Variants in ZNF594 observed in about 807,000 individuals in gnomAD.
The protein encoded by ZNF594 is zinc finger protein HZF18.
For missense variants in ZNF594, 1,037 were observed against 964.6 expected (o/e 1.08, Z -0.99); for synonymous variants, 336 against 309.4 (o/e 1.09, Z -0.90).
At position 5,183,884 on chromosome 17, in the gene ZNF594, T is replaced by C. The variant is rs1441447353; in HGVS notation, c.373A>G (p.Lys125Glu). The C allele has an allele frequency of 6.2e-7, 1 of 1,613,528 alleles. No homozygotes were observed. The highest frequency in any genetic ancestry group is 2.2e-5 in the East Asian group (1 of 44,876). ...TEHQKIHNIN[K>E]TYECKECEKT... is the part of the protein sequence containing the mutation. ...TCACATTCCTTACATTCATAGGTCT[T>C]ATTTATATTATGAATTTTCTGATGT... is the stretch of plus-strand genomic sequence containing the variant. Residue 125 changes from lysine to glutamate, a missense_variant, in exon 2 of 2, where the codon AAG becomes GAG. Lys to Glu is a moderately conservative substitution (Grantham distance 56). Coordinates refer to ENST00000575779, the MANE Select transcript of ZNF594 (RefSeq NM_032530.2).
chr17:5,182,843 T>C lies in ZNF594; in HGVS notation c.1414A>G (p.Arg472Gly), dbSNP rs555942514. 3 of 1,614,126 alleles carry C rather than the reference T, an allele frequency of 1.9e-6. No individual in the cohort carries two copies. The highest frequency in any genetic ancestry group is 1.3e-5 in the African/African-American group (1 of 75,002). Residue 472 changes from arginine (R) to glycine (G), a missense_variant, in exon 2 of 2, where the codon AGG becomes GGG. Arg to Gly is a moderately radical substitution (Grantham distance 125). Coordinates refer to ENST00000575779, the MANE Select transcript of ZNF594 (RefSeq NM_032530.2). The stretch of plus-strand genomic sequence containing the variant: ...TTCTGGTGTGTAACAAGGTGTGACC[T>C]CTGGCTAAAGGCTTTCCCACATTCA... ...CSECGKAFSQ[R>G]SHLVTHQKIH...
In ZNF594 at chr17:5,183,848, TGAA is replaced by T; in HGVS notation, c.406_408del (p.Phe136del). ...TGTATGATCAGGTTTGAACTCCTGT[TGAA>T]GGTTTTTTCACATTCCTTACATTCA... On this transcript the variant is annotated inframe_deletion, in exon 2 of 2. Coordinates refer to ENST00000575779, the MANE Select transcript of ZNF594 (RefSeq NM_032530.2). 2 of 1,613,904 alleles carry T rather than the reference TGAA, an allele frequency of 1.2e-6. No homozygotes were observed. Among genetic ancestry groups the T allele is most frequent in the Non-Finnish European group, 8.5e-7 (1 of 1,179,970 alleles).
At position 5,182,846 on chromosome 17, in the gene ZNF594, G is replaced by A; in HGVS notation, c.1411C>T (p.Gln471Ter). 1.2e-6 allele frequency: 2 copies of A among 1,613,900 alleles called. No individual in the cohort carries two copies. Among genetic ancestry groups the A allele is most frequent in the Non-Finnish European group, 1.7e-6 (2 of 1,180,014 alleles). ...ECSECGKAFSQRSHLVTHQKI... is the reference protein window; with the variant it reads ...ECSECGKAFS ...TGGTGTGTAACAAGGTGTGACCTCT[G>A]GCTAAAGGCTTTCCCACATTCACTA... The change falls in exon 2 of 2, where the codon CAG (glutamine) becomes TAG (stop). Residue 471 changes from glutamine to a stop codon, truncating the protein, a stop_gained. Coordinates refer to ENST00000575779, the MANE Select transcript of ZNF594 (RefSeq NM_032530.2). LOFTEE classifies it low-confidence loss of function (END_TRUNC).
chr17:5,180,875 T>G lies in ZNF594; in HGVS notation c.*958A>C, dbSNP rs779467121. On this transcript the variant is annotated 3_prime_UTR_variant, in exon 2 of 2. Transcript: ENST00000575779. ...TTTTTCTAATAAAACTCATTTGTAG[T>G]GCAATAAGATGTGGTCTCCATCAGA... The G allele has an allele frequency of 2.0e-6, 1 of 495,574 alleles. No individual in the cohort carries two copies. The highest frequency in any genetic ancestry group is 3.7e-6 in the Non-Finnish European group (1 of 270,398). 30.7% of individuals were successfully genotyped at this position (495,574 alleles called of 1,614,324 possible). A position where few individuals can be genotyped will look rare whatever the true frequency, so the allele number is the denominator to read the frequency against.
rs1410146994 is a variant in ZNF594, at chr17:5,183,323, C to G, written c.934G>C (p.Glu312Gln). ...TCTCCACTGTGGAGTCTCTGGTGTT[C>G]AGTAAGGTGAGAATGCTGCCTGAAG... is the stretch of plus-strand genomic sequence containing the variant. ...KAFRQHSHLTEHQRLHSGEKP... is the reference protein window; with the variant it reads ...KAFRQHSHLTQHQRLHSGEKP... The change falls in exon 2 of 2, where the codon GAA (glutamate) becomes CAA (glutamine). Residue 312 changes from glutamate to glutamine, a missense_variant. Physicochemically the swap from Glu to Gln is conservative, Grantham distance 29 (BLOSUM62 2). Coordinates refer to ENST00000575779, the MANE Select transcript of ZNF594 (RefSeq NM_032530.2). The G allele has an allele frequency of 3.7e-6, 6 of 1,613,860 alleles. No homozygotes were observed. Among genetic ancestry groups the G allele is most frequent in the Non-Finnish European group, 5.1e-6 (6 of 1,180,004 alleles).
At chr17:5,186,352 G>C (rs1347635581) in intron 1 of ZNF594, among the ~76,000 whole-genome samples, 1 of 152,192 alleles carries the variant, frequency 6.6e-6, no homozygotes, top group Admixed American at 6.5e-5. Context: ...TATCTACATT[G>C]GCCCCTTTCA....
In ZNF594 at chr17:5,182,462, T is replaced by C. The variant is rs149296388; in HGVS notation, c.1795A>G (p.Lys599Glu). Residue 599 changes from lysine to glutamate, a missense_variant, in exon 2 of 2, where the codon AAA (lysine) becomes GAA (glutamate). Coordinates refer to ENST00000575779, the MANE Select transcript of ZNF594 (RefSeq NM_032530.2). Reference protein sequence around the residue: ...THTREKPYECKECGKTFNQSS... With the variant: ...THTREKPYECEECGKTFNQSS... ...TGATTGAAAGTTTTCCCACATTCTTTGCATTCATATGGTTTCTCTCTTGTA... is the reference window on the plus strand; with the variant it reads ...TGATTGAAAGTTTTCCCACATTCTTCGCATTCATATGGTTTCTCTCTTGTA... 1.1e-4 allele frequency: 172 copies of C among 1,613,944 alleles called. No individual in the cohort carries two copies. In the East Asian group the frequency reaches 3.7e-3, roughly 35 times the overall value.
At position 5,182,652 on chromosome 17, in the gene ZNF594, C is replaced by T; in HGVS notation, c.1605G>A (p.Gln535=). 6.2e-7 allele frequency: 1 copy of T among 1,613,978 alleles called. No individual in the cohort carries two copies. Among genetic ancestry groups the T allele is most frequent in the Non-Finnish European group, 8.5e-7 (1 of 1,179,982 alleles). The change falls in exon 2 of 2, where the codon CAG becomes CAA. Residue 535 remains glutamine (Q), a synonymous_variant. Transcript: ENST00000575779. ...FIWRTAFLKH[Q]SLHTGEKLEC... is the part of the protein sequence containing the mutation. Reference sequence around the variant, plus strand: ...CAAGTTTCTCTCCAGTATGCAGGCTCTGATGTTTGAGGAAAGCTGTGCGCC... The same window carrying T: ...CAAGTTTCTCTCCAGTATGCAGGCTTTGATGTTTGAGGAAAGCTGTGCGCC...
downstream of ZNF594, among the ~76,000 whole-genome samples, chr17:5,177,914 G>C (rs990328144): frequency 6.6e-6 from 1 of 151,924 alleles, no homozygotes; most frequent in Admixed American, 6.6e-5. Flanking sequence ...TACATATACC[G>C]AAGGATTTGA....
At chr17:5,187,892 T>TTC (rs1156495944) in intron 1 of ZNF594, among the ~76,000 whole-genome samples, 3 of 150,160 alleles carry the variant, frequency 2.0e-5, no homozygotes, top group Non-Finnish European at 4.4e-5. Flanking sequence ...ATTTCCTTTT[T>TTC]TTTTTTTTTT....
downstream of ZNF594, among the ~76,000 whole-genome samples, chr17:5,178,522 G>T (rs1243228640): frequency 6.6e-6 from 1 of 152,124 alleles, no homozygotes; most frequent in Non-Finnish European, 1.5e-5. Flanking sequence ...GACACACCGT[G>T]TTCAGGAGGT....
At chr17:5,176,198 C>A (rs1428594335), downstream of ZNF594, among the ~76,000 whole-genome samples, 1 of 152,052 alleles carries the variant, frequency 6.6e-6, no homozygotes, top group Admixed American at 6.5e-5. Flanking sequence ...GAGTTCCAGG[C>A]CAGCCTGACC....
In ZNF594 at chr17:5,182,678, A is replaced by G. The variant is rs1338229216; in HGVS notation, c.1579T>C (p.Trp527Arg). The change falls in exon 2 of 2, where the codon TGG becomes CGG. Residue 527 changes from tryptophan to arginine, a missense_variant. By Grantham distance (101) the Trp-to-Arg change is moderately radical. Transcript: ENST00000575779. ...ECKECGKLFI[W>R]RTAFLKHQSL... ...TGATGTTTGAGGAAAGCTGTGCGCC[A>G]AATGAAGAGCTTCCCACATTCCTTA... The G allele has an allele frequency of 6.2e-7, 1 of 1,613,572 alleles. No individual in the cohort carries two copies. The highest frequency in any genetic ancestry group is 2.2e-5 in the East Asian group (1 of 44,776).
chr17:5,179,109 AGGC>A (rs1272990621), downstream of ZNF594, among the ~76,000 whole-genome samples: 4 of 151,542 alleles, frequency 2.6e-5, no homozygotes, highest in East Asian at 7.8e-4. Flanking sequence ...GCAGCAGGGC[AGGC>A]CTCTGCCTTG....
downstream of ZNF594, among the ~76,000 whole-genome samples, chr17:5,177,370 G>A (rs2074314224): frequency 6.6e-6 from 1 of 152,080 alleles, no homozygotes; most frequent in Non-Finnish European, 1.5e-5. Context: ...AAATACTTAG[G>A]ACTACAAGTT....
At chr17:5,185,428 A>G (rs1156442125) in intron 1 of ZNF594, among the ~76,000 whole-genome samples, 1 of 152,246 alleles carries the variant, frequency 6.6e-6, no homozygotes, top group Admixed American at 6.5e-5. Flanking sequence ...CATGATTCAA[A>G]TTATCTCCCA....
intron 1 of ZNF594, among the ~76,000 whole-genome samples, chr17:5,189,593 G>A (rs541890167): frequency 6.6e-6 from 1 of 152,226 alleles, no homozygotes; most frequent in East Asian, 1.9e-4. Flanking sequence ...GGAGTGCAGT[G>A]GTGCAATCAT....
rs1013814466 is a variant in ZNF594 at position 5,180,949 on chromosome 17, T to A, written c.*884A>T. 2.9e-5 allele frequency: 20 copies of A among 686,854 alleles called. No individual in the cohort carries two copies. The Admixed American group carries it at 4.1e-4, about 14-fold the overall frequency. 42.5% of individuals were successfully genotyped at this position (686,854 alleles called of 1,614,324 possible). On this transcript the variant is annotated 3_prime_UTR_variant, in exon 2 of 2. Transcript: ENST00000575779. ...ATTAGGTTTCTGCTACCTATTAGAATAGGTCCTGTTTGTAGACTCTTACAG... is the reference window on the plus strand; with the variant it reads ...ATTAGGTTTCTGCTACCTATTAGAAAAGGTCCTGTTTGTAGACTCTTACAG...
At chr17:5,184,762 C>T (rs1285601064) in intron 1 of ZNF594, among the ~76,000 whole-genome samples, 1 of 152,244 alleles carries the variant, frequency 6.6e-6, no homozygotes, top group African/African-American at 2.4e-5. Context: ...GTTAGTTTCT[C>T]TTCCCATGGC....
Sources: gnomAD v4.1 joint callset for allele counts (sites outside exome capture counted in the v4.1 genomes callset) on GRCh38, gnomAD v4.1.1 for gene constraint, MANE v1.5 for transcripts, NCBI Gene and HGNC (gene_info 2026-07-23, HGNC 2026-07-21) for gene names.